The following SPRED2 variants were observed in gnomAD, a reference collection of about 807,000 sequenced individuals.
SPRED2 encodes sprouty related EVH1 domain containing 2.
In SPRED2, 47 loss-of-function variants were observed where a neutral mutation model predicts 43.0. The ratio of observed to expected loss-of-function variants is 1.09; its 90% CI spans 0.87 to 1.40. The LOEUF is 1.40. Ranked by LOEUF, SPRED2 falls within the 40% of genes most tolerant of loss-of-function variation. The probability of loss-of-function intolerance (pLI) is 0.00; values close to 1 mark genes in which losing one functional copy is unlikely to be tolerated. For missense variants in SPRED2, 561 were observed against 586.4 expected (o/e 0.96, Z 0.45); for synonymous variants, 225 against 225.7 (o/e 1.00, Z 0.03).
chr2:65,343,490 T>G (rs1460694704), intron 2 of SPRED2, among the ~76,000 whole-genome samples: 1 of 152,216 alleles, frequency 6.6e-6, no homozygotes, highest in Non-Finnish European at 1.5e-5. Flanking sequence ...ACTTAACACA[T>G]AAAACCCAAC....
intron 1 of SPRED2, among the ~76,000 whole-genome samples, chr2:65,350,739 T>G (rs1300446730): frequency 1.3e-5 from 2 of 152,166 alleles, no homozygotes; most frequent in African/African-American, 4.8e-5. Context: ...ACAGGAAAGT[T>G]TTAGACCTCA....
chr2:65,373,019 G>A (rs1675165915), intron 1 of SPRED2, among the ~76,000 whole-genome samples: 1 of 152,212 alleles, frequency 6.6e-6, no homozygotes, highest in Admixed American at 6.5e-5. Context: ...CTATCTGTTT[G>A]TCAGATGCCT....
At chr2:65,341,328 G>C (rs1674177891) in intron 2 of SPRED2, among the ~76,000 whole-genome samples, 1 of 151,898 alleles carries the variant, frequency 6.6e-6, no homozygotes, top group Non-Finnish European at 1.5e-5. Flanking sequence ...GGAATGTAAA[G>C]GGGACAGGAA....
intron 1 of SPRED2, among the ~76,000 whole-genome samples, chr2:65,372,285 G>A (rs1276597386): frequency 1.3e-5 from 2 of 152,106 alleles, no homozygotes; most frequent in East Asian, 1.9e-4. Flanking sequence ...TGGATTAGTC[G>A]GCAGGCTTTG....
intron 2 of SPRED2, among the ~76,000 whole-genome samples, chr2:65,337,777 G>A (rs1006214786): frequency 6.6e-5 from 10 of 152,170 alleles, no homozygotes; most frequent in African/African-American, 2.4e-4. Flanking sequence ...GGACATTTAT[G>A]TCAGTAAGAA....
intron 1 of SPRED2, among the ~76,000 whole-genome samples, chr2:65,385,496 A>G (rs1043292261): frequency 1.2e-4 from 18 of 152,190 alleles, no homozygotes; most frequent in Admixed American, 3.9e-4. Context: ...GTTGCTTCAC[A>G]GGTAACCATG....
At chr2:65,379,537 T>G (rs1168288656) in intron 1 of SPRED2, among the ~76,000 whole-genome samples, 8 of 152,230 alleles carry the variant, frequency 5.3e-5, no homozygotes, top group Non-Finnish European at 1.2e-4. Context: ...GGTGTCATTC[T>G]CAGAGCCTGG....
intron 1 of SPRED2, among the ~76,000 whole-genome samples, chr2:65,412,297 AGGCCTG>A (rs1001716597): frequency 1.1e-4 from 17 of 152,170 alleles, no homozygotes; most frequent in East Asian, 3.8e-4. Flanking sequence ...CAGATTCAGG[AGGCCTG>A]GGTGGGCAGC....
At chr2:65,370,250 A>G (rs1372760086) in intron 1 of SPRED2, among the ~76,000 whole-genome samples, 2 of 152,252 alleles carry the variant, frequency 1.3e-5, no homozygotes, top group Non-Finnish European at 2.9e-5. Flanking sequence ...TTTGAATGGT[A>G]TAAATGCGAC....
At chr2:65,333,276 G>T (rs1021536531) in intron 3 of SPRED2, among the ~76,000 whole-genome samples, 1 of 143,842 alleles carries the variant, frequency 7.0e-6, no homozygotes, top group Non-Finnish European at 1.5e-5. Context: ...AAAAAAAAAA[G>T]AAAAAGAAAA....
intron 1 of SPRED2, among the ~76,000 whole-genome samples, chr2:65,347,200 A>T (rs1171489327): frequency 6.6e-6 from 1 of 151,634 alleles, no homozygotes; most frequent in Non-Finnish European, 1.5e-5. Context: ...CCCAAACCCC[A>T]TGTCCTCAAC....
intron 1 of SPRED2, among the ~76,000 whole-genome samples, chr2:65,423,943 G>A (rs1676497808): frequency 6.6e-6 from 1 of 151,968 alleles, no homozygotes; most frequent in South Asian, 2.1e-4. Flanking sequence ...GCATGTGCTA[G>A]CATGCTCAAC....
At chr2:65,319,711 C>T (rs1673356655) in intron 4 of SPRED2, among the ~76,000 whole-genome samples, 1 of 152,024 alleles carries the variant, frequency 6.6e-6, no homozygotes, top group Non-Finnish European at 1.5e-5. Flanking sequence ...TGTGTGAGTG[C>T]TTATGGTGTG....
chr2:65,314,507 C>T (rs1479946355), intron 5 of SPRED2, among the ~76,000 whole-genome samples: 4 of 152,194 alleles, frequency 2.6e-5, no homozygotes, highest in Non-Finnish European at 4.4e-5. Flanking sequence ...TTCTCAGGAG[C>T]ATGGCACACT....
At chr2:65,405,010 C>G (rs954581170) in intron 1 of SPRED2, among the ~76,000 whole-genome samples, 3 of 152,162 alleles carry the variant, frequency 2.0e-5, no homozygotes, top group Non-Finnish European at 4.4e-5. Flanking sequence ...TTCTGTCACA[C>G]GTTATAAACA....
At chr2:65,429,739 C>A (rs1676633525) in intron 1 of SPRED2, among the ~76,000 whole-genome samples, 1 of 152,160 alleles carries the variant, frequency 6.6e-6, no homozygotes, top group Admixed American at 6.5e-5. Flanking sequence ...AAAATAACCC[C>A]TATAAGCCCA....
chr2:65,359,988 C>T (rs1181419741), intron 1 of SPRED2, among the ~76,000 whole-genome samples: 1 of 149,188 alleles, frequency 6.7e-6, no homozygotes, highest in Admixed American at 6.8e-5. Context: ...TCGCTAGAAC[C>T]CCGGAGGCGG....
At chr2:65,362,427 G>A (rs988147500) in intron 1 of SPRED2, among the ~76,000 whole-genome samples, 5 of 151,916 alleles carry the variant, frequency 3.3e-5, no homozygotes, top group Admixed American at 2.0e-4. Flanking sequence ...CCGACACCAC[G>A]CCCAGCTAAT....
At chr2:65,379,483 C>T (rs553562255) in intron 1 of SPRED2, among the ~76,000 whole-genome samples, 2 of 152,274 alleles carry the variant, frequency 1.3e-5, no homozygotes, top group African/African-American at 4.8e-5. Flanking sequence ...TGACGAGCAA[C>T]GATGAGCCTC....
Sources: gnomAD v4.1 joint callset for allele counts (sites outside exome capture counted in the v4.1 genomes callset) on GRCh38, gnomAD v4.1.1 for gene constraint, MANE v1.5 for transcripts, NCBI Gene and HGNC (gene_info 2026-07-23, HGNC 2026-07-21) for gene names.